Variants in ADAMTSL1 observed in about 807,000 individuals in gnomAD.
ADAMTSL1 encodes ADAMTS-like protein 1.
A neutral mutation model predicts 201.8 loss-of-function variants in ADAMTSL1; 126 were observed. That is an observed-to-expected ratio of 0.62 (90% CI 0.54 to 0.72). The LOEUF (loss-of-function observed/expected upper bound fraction) is 0.72. Among genes scored for constraint, ADAMTSL1 ranks in the 30% least tolerant of loss-of-function variants. The pLI, the probability that ADAMTSL1 is intolerant of heterozygous loss-of-function variation, is 0.00. For synonymous variants in ADAMTSL1, 1,121 were observed against 903.4 expected, an observed-to-expected ratio of 1.24 and a Z score of -4.32; for missense variants, 2,679 against 2,277.8, an observed-to-expected ratio of 1.18 and a Z score of -3.59.
intron 2 of ADAMTSL1, among the ~76,000 whole-genome samples, chr9:18,347,967 T>A (rs146271920): frequency 7.0e-4 from 106 of 152,200 alleles, no homozygotes; most frequent in African/African-American, 2.4e-3. Context: ...AACTACAAAG[T>A]TGAATTTGGT....
intron 15 of ADAMTSL1, among the ~76,000 whole-genome samples, chr9:18,745,396 T>C (rs944472659): frequency 6.6e-6 from 1 of 152,248 alleles, no homozygotes; most frequent in South Asian, 2.1e-4. Flanking sequence ...AAAAGCCCTT[T>C]CAAGCTGGCC....
chr9:18,755,692 CA>C (rs1819709707), intron 16 of ADAMTSL1, among the ~76,000 whole-genome samples: 3 of 152,100 alleles, frequency 2.0e-5, no homozygotes, highest in Admixed American at 1.3e-4. Context: ...AGTGGACTTC[CA>C]AAGAATCACT....
chr9:17,924,423 G>T (rs1398611419), intron 1 of ADAMTSL1, among the ~76,000 whole-genome samples: 2 of 152,116 alleles, frequency 1.3e-5, no homozygotes, highest in Non-Finnish European at 2.9e-5. Context: ...AGAGGTGTTT[G>T]CAGTATTCTC....
At chr9:18,417,861 C>A (rs1375554102) in intron 2 of ADAMTSL1, among the ~76,000 whole-genome samples, 1 of 152,056 alleles carries the variant, frequency 6.6e-6, no homozygotes, top group Non-Finnish European at 1.5e-5. Flanking sequence ...AGAAAACTTC[C>A]CAACTAATTT....
At chr9:18,044,256 G>T (rs2131642596) in intron 1 of ADAMTSL1, among the ~76,000 whole-genome samples, 1 of 152,092 alleles carries the variant, frequency 6.6e-6, no homozygotes, top group Non-Finnish European at 1.5e-5. Flanking sequence ...CTAGGCAGAT[G>T]CAGTGAGACA....
At chr9:17,948,151 C>T (rs191181926) in intron 1 of ADAMTSL1, among the ~76,000 whole-genome samples, 58 of 152,118 alleles carry the variant, frequency 3.8e-4, no homozygotes, top group Admixed American at 3.9e-4. Flanking sequence ...TTATTGCTGC[C>T]GGGAGGGTTC....
intron 2 of ADAMTSL1, among the ~76,000 whole-genome samples, chr9:18,314,688 A>G (rs1834295007): frequency 1.3e-5 from 2 of 150,698 alleles, no homozygotes; most frequent in Admixed American, 6.6e-5. Context: ...AAGAGTGAGC[A>G]GCAGCAAGGT....
intron 1 of ADAMTSL1, among the ~76,000 whole-genome samples, chr9:18,004,595 C>G (rs1819742342): frequency 6.6e-6 from 1 of 152,052 alleles, no homozygotes; most frequent in African/African-American, 2.4e-5. Context: ...CATAGCATGA[C>G]AATTTTAAGC....
chr9:18,016,570 C>T (rs1440602467), intron 1 of ADAMTSL1, among the ~76,000 whole-genome samples: 1 of 151,902 alleles, frequency 6.6e-6, no homozygotes, highest in Non-Finnish European at 1.5e-5. Flanking sequence ...CCATCCCACT[C>T]CTGACCCCCT....
Position 18,762,841 on chromosome 9 carries a change from T to C in ADAMTSL1, c.2218-7761T>C, listed in dbSNP as rs1425516544. Among the ~76,000 whole-genome samples, 3 of 152,348 alleles carry C rather than the reference T, an allele frequency of 2.0e-5. No homozygotes were observed. The East Asian group carries it at 5.8e-4, about 29-fold the overall frequency. On this transcript the variant is annotated intron_variant, in intron 16 of 28. Transcript: ENST00000380548. ...TGCACATGACTGGATCTCATTCTTT[T>C]TATGTTTGAATAGTACTCCATTGTG... is the stretch of plus-strand genomic sequence containing the variant.
chr9:18,346,017 G>T (rs1835697574), intron 2 of ADAMTSL1, among the ~76,000 whole-genome samples: 1 of 152,110 alleles, frequency 6.6e-6, no homozygotes, highest in Admixed American at 6.5e-5. Context: ...CTCTGGTCCT[G>T]CTCTGTTCCT....
chr9:17,937,007 C>T (rs1021231990), intron 1 of ADAMTSL1, among the ~76,000 whole-genome samples: 1 of 152,090 alleles, frequency 6.6e-6, no homozygotes. Context: ...GGGTGAGATC[C>T]TTGCTCCACT....
chr9:18,682,002 G>A, intron 12 of ADAMTSL1, 43 bp downstream of exon 12: 2 of 1,593,626 alleles, frequency 1.3e-6, no homozygotes, highest in Non-Finnish European at 8.6e-7. Context: ...TAATTGTTGT[G>A]TGTAGTCAGG....
chr9:18,381,597 G>C (rs915921536), intron 2 of ADAMTSL1, among the ~76,000 whole-genome samples: 10 of 152,056 alleles, frequency 6.6e-5, no homozygotes, highest in African/African-American at 2.4e-4. Context: ...CCTTCACTTG[G>C]AGAAGAAAGA....
intron 2 of ADAMTSL1, among the ~76,000 whole-genome samples, chr9:18,411,528 C>A (rs892060002): frequency 6.6e-6 from 1 of 152,030 alleles, no homozygotes; most frequent in African/African-American, 2.4e-5. Context: ...GTGAAACAGA[C>A]CTTAAATTTT....
chr9:18,166,403 G>A (rs1371666308), intron 2 of ADAMTSL1, among the ~76,000 whole-genome samples: 1 of 151,940 alleles, frequency 6.6e-6, no homozygotes, highest in Non-Finnish European at 1.5e-5. Context: ...GAATATGCAT[G>A]AAAAGGGCCT....
chr9:17,920,047 T>A (rs1168294796), intron 1 of ADAMTSL1, among the ~76,000 whole-genome samples: 1 of 152,148 alleles, frequency 6.6e-6, no homozygotes, highest in Non-Finnish European at 1.5e-5. Flanking sequence ...CATTGTGATT[T>A]TTGTTTGCAT....
chr9:17,957,837 C>A (rs1455568554), intron 1 of ADAMTSL1, among the ~76,000 whole-genome samples: 2 of 152,108 alleles, frequency 1.3e-5, no homozygotes. Flanking sequence ...ATGCTAAGGG[C>A]TGCTGGGAGT....
chr9:18,153,827 A>G (rs1394674770), intron 1 of ADAMTSL1, among the ~76,000 whole-genome samples: 1 of 152,058 alleles, frequency 6.6e-6, no homozygotes, highest in Non-Finnish European at 1.5e-5. Flanking sequence ...CCAGCCACCT[A>G]GTACTTACAG....
Sources: gnomAD v4.1 joint callset for allele counts (sites outside exome capture counted in the v4.1 genomes callset) on GRCh38, gnomAD v4.1.1 for gene constraint, MANE v1.5 for transcripts, NCBI Gene and HGNC (gene_info 2026-07-23, HGNC 2026-07-21) for gene names.